Variants in SMPD3 observed in about 807,000 individuals in gnomAD.
SMPD3 encodes sphingomyelin phosphodiesterase 3, also known as nSMase-2.
SMPD3 carries 21 observed loss-of-function variants against 55.7 expected under a neutral mutation model. That is an observed-to-expected ratio of 0.38 (90% CI 0.27 to 0.54). The LOEUF is 0.54. Ranked by LOEUF, SMPD3 falls within the 20% of genes least tolerant of loss-of-function variation. The probability of loss-of-function intolerance (pLI) is 0.80; values close to 1 mark genes in which losing one functional copy is unlikely to be tolerated. For missense variants in SMPD3, 842 were observed against 899.6 expected, an observed-to-expected ratio of 0.94 and a Z score of 0.82; for synonymous variants, 457 against 404.3, an observed-to-expected ratio of 1.13 and a Z score of -1.56.
chr16:68,418,407 G>A (rs894065238), intron 1 of SMPD3, among the ~76,000 whole-genome samples: 3 of 151,824 alleles, frequency 2.0e-5, no homozygotes, highest in Non-Finnish European at 4.4e-5. Context: ...TGGGTGATGA[G>A]TAATTTAACC....
chr16:68,390,443 T>C (rs995589923), intron 1 of SMPD3, among the ~76,000 whole-genome samples: 13 of 152,190 alleles, frequency 8.5e-5, no homozygotes, highest in African/African-American at 3.1e-4. Flanking sequence ...GGCAGATCTC[T>C]TGAGCTCAGG....
intron 1 of SMPD3, among the ~76,000 whole-genome samples, chr16:68,390,106 T>G (rs950652798): frequency 6.6e-6 from 1 of 152,248 alleles, no homozygotes; most frequent in African/African-American, 2.4e-5. Flanking sequence ...CTCTCCTTTT[T>G]AGACCATATA....
At chr16:68,391,847 AGATGGTCTCTGACTTAC>A (rs2090113677) in intron 1 of SMPD3, among the ~76,000 whole-genome samples, 1 of 152,228 alleles carries the variant, frequency 6.6e-6, no homozygotes, top group African/African-American at 2.4e-5. Flanking sequence ...AAGGAAGTAT[AGATGGTCTCTGACTTAC>A]GATGGTGCGA....
intron 2 of SMPD3, among the ~76,000 whole-genome samples, chr16:68,377,421 C>A: frequency 6.6e-6 from 1 of 152,236 alleles, no homozygotes; most frequent in African/African-American, 2.4e-5. Context: ...CAGCCCCAGA[C>A]TGCGGCTGCT....
intron 1 of SMPD3, among the ~76,000 whole-genome samples, chr16:68,390,169 C>T (rs376208733): frequency 1.3e-5 from 2 of 152,150 alleles, no homozygotes; most frequent in African/African-American, 4.8e-5. Context: ...ACTGTCACGG[C>T]GCTGGTGGGA....
chr16:68,390,036 G>A (rs539988611), intron 1 of SMPD3, among the ~76,000 whole-genome samples: 1 of 152,306 alleles, frequency 6.6e-6, no homozygotes, highest in African/African-American at 2.4e-5. Context: ...GCTAAACGAG[G>A]GGTGGATTAT....
chr16:68,366,439 T>C (rs1247262949), intron 3 of SMPD3, among the ~76,000 whole-genome samples: 5 of 152,224 alleles, frequency 3.3e-5, no homozygotes, highest in South Asian at 2.1e-4. Context: ...AGGTTCACCA[T>C]TCACTTCTTG....
Position 68,371,595 on chromosome 16 carries a change from A to G in SMPD3, c.587T>C (p.Val196Ala). 3.8e-6 allele frequency: 6 copies of G among 1,572,220 alleles called. No homozygotes were observed. Among genetic ancestry groups the G allele is most frequent in the Non-Finnish European group, 5.2e-6 (6 of 1,159,518 alleles). The part of the protein sequence containing the change: ...SLVSPQGGDG[V>A]ARAVPGSIKR... ...AATGCTCCCGGGGACGGCCCGGGCC[A>G]CCCCATCGCCGCCCTGTGGTGACAC... Residue 196 changes from valine to alanine, a missense_variant, in exon 3 of 9, where the codon GTG becomes GCG. By Grantham distance (64) the Val-to-Ala change is moderately conservative. This residue lies in a region of SMPD3 where 649 missense variants were observed against 643.6 expected (regional missense o/e 1.01). Transcript: ENST00000219334.
intron 2 of SMPD3, among the ~76,000 whole-genome samples, chr16:68,374,302 G>C (rs2089752172): frequency 6.6e-6 from 1 of 152,256 alleles, no homozygotes; most frequent in Non-Finnish European, 1.5e-5. Context: ...ACCATCTCCA[G>C]GGCTTAGCGT....
chr16:68,446,912 T>G (rs963491031), intron 1 of SMPD3, among the ~76,000 whole-genome samples: 1 of 151,698 alleles, frequency 6.6e-6, no homozygotes, highest in Non-Finnish European at 1.5e-5. Context: ...GGGTAGGGGG[T>G]ATGGGAAAAG....
chr16:68,412,089 C>G (rs577378318), intron 1 of SMPD3, among the ~76,000 whole-genome samples: 1 of 152,248 alleles, frequency 6.6e-6, no homozygotes, highest in East Asian at 1.9e-4. Context: ...GAGGCAGAGG[C>G]AGTTGCTAGG....
At chr16:68,434,580 G>A (rs1433915804) in intron 1 of SMPD3, among the ~76,000 whole-genome samples, 1 of 152,166 alleles carries the variant, frequency 6.6e-6, no homozygotes, top group Non-Finnish European at 1.5e-5. Flanking sequence ...CTTCTTACAA[G>A]GGAATGTTAA....
At chr16:68,375,878 C>T (rs909088116) in intron 2 of SMPD3, among the ~76,000 whole-genome samples, 1 of 152,186 alleles carries the variant, frequency 6.6e-6, no homozygotes, top group Non-Finnish European at 1.5e-5. Context: ...CCAAGCATGC[C>T]AGCCCTTCCC....
chr16:68,411,504 G>A (rs2090300677), intron 1 of SMPD3, among the ~76,000 whole-genome samples: 1 of 152,212 alleles, frequency 6.6e-6, no homozygotes, highest in South Asian at 2.1e-4. Flanking sequence ...GTGGAGGCTG[G>A]TGAGTGAGGG....
intron 1 of SMPD3, among the ~76,000 whole-genome samples, chr16:68,398,734 T>C (rs1354465774): frequency 6.6e-6 from 1 of 152,148 alleles, no homozygotes; most frequent in Non-Finnish European, 1.5e-5. Flanking sequence ...TAAAATAGAA[T>C]CTCCATGTTC....
At chr16:68,368,710 AG>A (rs2089561252) in intron 3 of SMPD3, 2 of 152,458 alleles carry the variant, frequency 1.3e-5, no homozygotes, top group African/African-American at 4.8e-5. Context: ...GGTCTGGGCC[AG>A]GACAAAGCAG....
chr16:68,379,007 C>A (rs538759314), intron 2 of SMPD3, among the ~76,000 whole-genome samples: 1 of 152,240 alleles, frequency 6.6e-6, no homozygotes, highest in Non-Finnish European at 1.5e-5. Context: ...TCAGCAGTTC[C>A]CCTTTTCCTT....
intron 2 of SMPD3, among the ~76,000 whole-genome samples, chr16:68,374,235 G>A (rs949700526): frequency 5.3e-5 from 8 of 152,250 alleles, no homozygotes; most frequent in African/African-American, 1.7e-4. Context: ...CCAACCCGAG[G>A]TGTGCGGAGG....
At chr16:68,387,653 C>T (rs372427159) in intron 1 of SMPD3, among the ~76,000 whole-genome samples, 1 of 152,216 alleles carries the variant, frequency 6.6e-6, no homozygotes, top group Non-Finnish European at 1.5e-5. Context: ...CAGCCCCCTG[C>T]CCAATGCCCA....
Sources: allele counts gnomAD v4.1 joint callset (sites outside exome capture counted in the v4.1 genomes callset), GRCh38; gene constraint gnomAD v4.1.1; regional missense constraint gnomAD v4.1.1; transcripts MANE v1.5; gene names NCBI Gene and HGNC (gene_info 2026-07-23, HGNC 2026-07-21).